Variants in PLXNA4 observed in about 807,000 individuals in gnomAD.
The protein encoded by PLXNA4 is plexin-A4.
A neutral mutation model predicts 191.8 loss-of-function variants in PLXNA4; 44 were observed. That is an observed-to-expected ratio of 0.23 (90% CI 0.18 to 0.29). PLXNA4 has a LOEUF of 0.29. Among genes scored for constraint, PLXNA4 ranks in the 10% least tolerant of loss-of-function variants. PLXNA4 has a pLI of 1.00. For synonymous variants in PLXNA4, 1,082 were observed against 1,009.5 expected (o/e 1.07, Z -1.36); for missense variants, 1,800 against 2,488.8 (o/e 0.72, Z 5.89).
intron 3 of PLXNA4, among the ~76,000 whole-genome samples, chr7:132,457,804 G>A (rs1452795425): frequency 1.3e-5 from 2 of 152,192 alleles, no homozygotes; most frequent in Non-Finnish European, 2.9e-5. Context: ...GAGATTTAAA[G>A]ATGCTATGCC....
chr7:132,458,402 A>G (rs1448670367), intron 3 of PLXNA4, among the ~76,000 whole-genome samples: 1 of 152,036 alleles, frequency 6.6e-6, no homozygotes, highest in African/African-American at 2.4e-5. Flanking sequence ...GCAAAAACTG[A>G]AAGTTATTCA....
At chr7:132,563,832 C>T (rs1274265348) in intron 1 of PLXNA4, among the ~76,000 whole-genome samples, 18 of 70,948 alleles carry the variant, frequency 2.5e-4, no homozygotes, top group East Asian at 1.1e-3. Context: ...TCCTCCTTCT[C>T]CTCCTCCTCC....
At chr7:132,435,779 C>T (rs956666380) in intron 3 of PLXNA4, among the ~76,000 whole-genome samples, 3 of 152,112 alleles carry the variant, frequency 2.0e-5, no homozygotes, top group Admixed American at 6.6e-5. Flanking sequence ...ATCTCCCTTC[C>T]CCTTCCTACA....
At chr7:132,478,892 A>T (rs575748447) in intron 3 of PLXNA4, among the ~76,000 whole-genome samples, 4 of 152,124 alleles carry the variant, frequency 2.6e-5, no homozygotes, top group Non-Finnish European at 5.9e-5. Flanking sequence ...AAGACAACCC[A>T]TCTCTTTCCT....
chr7:132,420,020 C>T (rs985616439), intron 3 of PLXNA4, among the ~76,000 whole-genome samples: 1 of 152,130 alleles, frequency 6.6e-6, no homozygotes, highest in Non-Finnish European at 1.5e-5. Context: ...GTTTGTCACC[C>T]TCTAGACCAC....
At chr7:132,533,793 C>T (rs1192889176) in intron 1 of PLXNA4, among the ~76,000 whole-genome samples, 1 of 152,174 alleles carries the variant, frequency 6.6e-6, no homozygotes, top group Non-Finnish European at 1.5e-5. Flanking sequence ...ATCACCTATC[C>T]CACACTAACC....
intron 2 of PLXNA4, among the ~76,000 whole-genome samples, chr7:132,496,266 A>C (rs1479936859): frequency 6.6e-6 from 1 of 152,200 alleles, no homozygotes; most frequent in Admixed American, 6.5e-5. Flanking sequence ...AAAATCCAAC[A>C]GCCCCATTTT....
intron 3 of PLXNA4, among the ~76,000 whole-genome samples, chr7:132,419,190 G>A (rs1159737826): frequency 2.0e-5 from 3 of 152,190 alleles, no homozygotes; most frequent in African/African-American, 2.4e-5. Flanking sequence ...AAAATTGGGC[G>A]AGAACAAGGA....
intron 28 of PLXNA4, 35 bp downstream of exon 28, chr7:132,146,475 C>T (rs1381782992): frequency 6.2e-7 from 1 of 1,614,002 alleles, no homozygotes; most frequent in African/African-American, 1.3e-5. Flanking sequence ...TCCATAGCCT[C>T]TGGGCTCCCT....
Position 132,198,506 on chromosome 7 carries a change from T to C in PLXNA4, c.2717A>G (p.Asp906Gly), listed in dbSNP as rs771494951. Residue 906 changes from aspartate (D) to glycine (G), a missense_variant, in exon 13 of 32, where the codon GAT becomes GGT. Physicochemically the swap from Asp to Gly is moderately conservative, Grantham distance 94 (BLOSUM62 -1). Coordinates refer to ENST00000321063, the MANE Select transcript of PLXNA4 (RefSeq NM_020911.2). ...TTACTGTTCTGCAGGGATGTAACCA[T>C]CCACTAAAGGGCTGCACTCCACGCC... ...VAGVECSPLV[D>G]GYIPAEQIVC... 24 of 1,614,066 alleles carry C rather than the reference T, an allele frequency of 1.5e-5. No homozygotes were observed. Among genetic ancestry groups the C allele is most frequent in the Admixed American group, 3.3e-5 (2 of 60,000 alleles).
chr7:132,419,755 CAT>C (rs1563088260), intron 3 of PLXNA4, among the ~76,000 whole-genome samples: 1 of 152,162 alleles, frequency 6.6e-6, no homozygotes, highest in Non-Finnish European at 1.5e-5. Flanking sequence ...CTTTGCAGGC[CAT>C]ATGGTCTCTG....
intron 1 of PLXNA4, among the ~76,000 whole-genome samples, chr7:132,531,819 T>C (rs947717345): frequency 2.6e-5 from 4 of 152,244 alleles, no homozygotes; most frequent in African/African-American, 7.2e-5. Context: ...TTGAGTAGGC[T>C]GATTTGGTGG....
intron 22 of PLXNA4, among the ~76,000 whole-genome samples, chr7:132,167,851 T>C (rs10251791): frequency 0.31 from 46,418 of 152,166 alleles, 11,586 homozygotes; most frequent in African/African-American, 0.69. Context: ...ACCTGGCTTG[T>C]GATTCTGCTT....
At chr7:132,422,269 C>G (rs1048827780) in intron 3 of PLXNA4, among the ~76,000 whole-genome samples, 1 of 152,188 alleles carries the variant, frequency 6.6e-6, no homozygotes, top group African/African-American at 2.4e-5. Context: ...CTTACCCAGA[C>G]AGAACTGATC....
At chr7:132,178,050 T>C (rs572616751) in intron 20 of PLXNA4, among the ~76,000 whole-genome samples, 7 of 152,304 alleles carry the variant, frequency 4.6e-5, no homozygotes, top group African/African-American at 1.7e-4. Context: ...AGAGTCTGAC[T>C]CCTAAATTTC....
chr7:132,384,893 A>G, intron 3 of PLXNA4: 1 of 1,212,344 alleles, frequency 8.2e-7, no homozygotes, highest in Non-Finnish European at 1.0e-6. Context: ...AGAATCAGTT[A>G]GTTTCACTGA....
At chr7:132,241,555 C>T (rs1262131232) in intron 4 of PLXNA4, among the ~76,000 whole-genome samples, 1 of 152,120 alleles carries the variant, frequency 6.6e-6, no homozygotes, top group African/African-American at 2.4e-5. Flanking sequence ...AATGGTCATT[C>T]TCACTCTCTC....
intron 3 of PLXNA4, among the ~76,000 whole-genome samples, chr7:132,328,768 G>A (rs1802474008): frequency 6.6e-6 from 1 of 152,172 alleles, no homozygotes; most frequent in African/African-American, 2.4e-5. Flanking sequence ...CACACTCCAG[G>A]AGTCCCCAGT....
Position 132,332,330 on chromosome 7 carries a change from T to C in PLXNA4, c.1372-34108A>G, listed in dbSNP as rs1420481458. Among the ~76,000 whole-genome samples, 4 of 152,210 alleles carry C rather than the reference T, an allele frequency of 2.6e-5. No homozygotes were observed. The East Asian group carries it at 7.7e-4, about 29-fold the overall frequency. Reference sequence around the variant, plus strand: ...CTGTCCGCTCTGAAATCAGTGTGCTTCTTCTCCCCCACTGTCCTTTTGTGA... The same window carrying C: ...CTGTCCGCTCTGAAATCAGTGTGCTCCTTCTCCCCCACTGTCCTTTTGTGA... On this transcript the variant is annotated intron_variant, in intron 3 of 31. Coordinates refer to ENST00000321063, the MANE Select transcript of PLXNA4 (RefSeq NM_020911.2).
Sources: gnomAD v4.1 joint callset for allele counts (sites outside exome capture counted in the v4.1 genomes callset) on GRCh38, gnomAD v4.1.1 for gene constraint, MANE v1.5 for transcripts, NCBI Gene and HGNC (gene_info 2026-07-23, HGNC 2026-07-21) for gene names.